SAMD5: variants seen among roughly 807,000 people sequenced by gnomAD.
The protein encoded by SAMD5 is sterile alpha motif domain-containing protein 5.
SAMD5 carries 13 observed loss-of-function variants against 11.3 expected under a neutral mutation model. The observed-to-expected ratio is 1.15, with a 90% CI of 0.75 to 1.83. The LOEUF (loss-of-function observed/expected upper bound fraction) is 1.83. Ranked by LOEUF, SAMD5 falls within the 40% of genes most tolerant of loss-of-function variation. SAMD5 has a pLI of 0.00. For missense variants in SAMD5, 255 were observed against 239.1 expected, an observed-to-expected ratio of 1.07 and a Z score of -0.44; for synonymous variants, 129 against 111.3, an observed-to-expected ratio of 1.16 and a Z score of -1.00.
chr6:147,606,958 T>C (rs1789710582), intron 1 of SAMD5, among the ~76,000 whole-genome samples: 1 of 77,972 alleles, frequency 1.3e-5, no homozygotes, highest in Admixed American at 1.4e-4. Context: ...TGTAGCAGCT[T>C]TATCCAAAAA....
At chr6:147,880,320 C>G in the SAMD5 span, among the ~76,000 whole-genome samples, 1 of 152,052 alleles carries the variant, frequency 6.6e-6, no homozygotes, top group Non-Finnish European at 1.5e-5. Flanking sequence ...GTTGCTCTTT[C>G]TCCCTCTCCT....
chr6:147,570,907 G>A (rs1226257932), downstream of SAMD5, among the ~76,000 whole-genome samples: 6 of 152,124 alleles, frequency 3.9e-5, no homozygotes, highest in South Asian at 2.1e-4. Context: ...GACGATTGGC[G>A]TTCTTCCACA....
the SAMD5 span, among the ~76,000 whole-genome samples, chr6:147,811,463 G>A: frequency 6.6e-6 from 1 of 152,162 alleles, no homozygotes; most frequent in African/African-American, 2.4e-5. Context: ...AGGCAATGTG[G>A]ACCCATGGAT....
the SAMD5 span, among the ~76,000 whole-genome samples, chr6:147,808,708 AT>A: frequency 6.6e-6 from 1 of 152,234 alleles, no homozygotes; most frequent in Non-Finnish European, 1.5e-5. Flanking sequence ...AAAAAAATGA[AT>A]TGAATGTATA....
At chr6:147,693,093 A>G (rs1241628486) in intron 1 of SAMD5, among the ~76,000 whole-genome samples, 1 of 152,190 alleles carries the variant, frequency 6.6e-6, no homozygotes, top group African/African-American at 2.4e-5. Flanking sequence ...CTCTCCGACA[A>G]TAGCTACACA....
chr6:147,635,082 G>C (rs1214480602), intron 1 of SAMD5, among the ~76,000 whole-genome samples: 1 of 152,160 alleles, frequency 6.6e-6, no homozygotes, highest in Non-Finnish European at 1.5e-5. Flanking sequence ...ACAAAATTTT[G>C]GCAGAGATAA....
chr6:147,660,124 A>C (rs1344189134), intron 1 of SAMD5, among the ~76,000 whole-genome samples: 1 of 152,142 alleles, frequency 6.6e-6, no homozygotes, highest in Non-Finnish European at 1.5e-5. Context: ...CTTGAATTAG[A>C]AGTCGGCCTG....
At chr6:147,681,450 A>G (rs78510340) in intron 1 of SAMD5, among the ~76,000 whole-genome samples, 2,100 of 152,050 alleles carry the variant, frequency 0.014, 51 homozygotes, top group African/African-American at 0.048. Flanking sequence ...TTTCTTGTTT[A>G]TATCAAATAT....
At chr6:147,862,204 G>A in the SAMD5 span, among the ~76,000 whole-genome samples, 1 of 151,954 alleles carries the variant, frequency 6.6e-6, no homozygotes, top group Non-Finnish European at 1.5e-5. Context: ...AAGTGCCCTG[G>A]AAATCAGGTT....
chr6:147,611,346 C>A (rs1007953460), intron 1 of SAMD5, among the ~76,000 whole-genome samples: 1 of 151,996 alleles, frequency 6.6e-6, no homozygotes, highest in African/African-American at 2.4e-5. Flanking sequence ...CTGAGGCAAG[C>A]GGATTACCTG....
the SAMD5 span, among the ~76,000 whole-genome samples, chr6:147,930,495 G>A: frequency 6.6e-6 from 1 of 152,100 alleles, no homozygotes; most frequent in African/African-American, 2.4e-5. Flanking sequence ...TATAAAGAAA[G>A]GGAATTTATT....
At chr6:147,732,385 T>C (rs1791728836) in intron 1 of SAMD5, among the ~76,000 whole-genome samples, 1 of 152,242 alleles carries the variant, frequency 6.6e-6, no homozygotes, top group African/African-American at 2.4e-5. Flanking sequence ...CTAATAATTC[T>C]CTAATTTAAT....
the SAMD5 span, among the ~76,000 whole-genome samples, chr6:147,745,208 G>A: frequency 6.6e-6 from 1 of 152,140 alleles, no homozygotes; most frequent in African/African-American, 2.4e-5. Flanking sequence ...GTGTGTGTGT[G>A]AGTGTGACTA....
the SAMD5 span, among the ~76,000 whole-genome samples, chr6:147,877,623 A>T: frequency 6.6e-6 from 1 of 152,044 alleles, no homozygotes; most frequent in Non-Finnish European, 1.5e-5. Flanking sequence ...TTAATATTTA[A>T]ATCAGTAGAC....
At chr6:147,891,931 G>A in the SAMD5 span, among the ~76,000 whole-genome samples, 1 of 152,174 alleles carries the variant, frequency 6.6e-6, no homozygotes, top group South Asian at 2.1e-4. Flanking sequence ...GCAGATTCTG[G>A]GTTTCTGTGG....
chr6:147,661,929 C>T (rs571136079), intron 1 of SAMD5, among the ~76,000 whole-genome samples: 20 of 152,314 alleles, frequency 1.3e-4, no homozygotes, highest in East Asian at 3.9e-4. Context: ...ACGCCCGGCG[C>T]GACTAAAACC....
At chr6:147,614,675 G>A (rs186171658) in intron 1 of SAMD5, among the ~76,000 whole-genome samples, 18 of 151,952 alleles carry the variant, frequency 1.2e-4, no homozygotes, top group Non-Finnish European at 5.9e-5. Flanking sequence ...TTTGGGGTGG[G>A]GAAGGGTTGG....
At chr6:147,661,686 G>A (rs925908153) in intron 1 of SAMD5, among the ~76,000 whole-genome samples, 9 of 152,290 alleles carry the variant, frequency 5.9e-5, no homozygotes, top group African/African-American at 1.9e-4. Flanking sequence ...CTGGAGTGCA[G>A]TGGTGCTGTC....
At chr6:147,696,663 G>T (rs1386708931) in intron 1 of SAMD5, among the ~76,000 whole-genome samples, 1 of 152,184 alleles carries the variant, frequency 6.6e-6, no homozygotes, top group East Asian at 1.9e-4. Flanking sequence ...GTTTTCCTAA[G>T]CTGTGTTGGA....
Sources: gnomAD v4.1 joint callset for allele counts (sites outside exome capture counted in the v4.1 genomes callset) on GRCh38, gnomAD v4.1.1 for gene constraint, MANE v1.5 for transcripts, NCBI Gene and HGNC (gene_info 2026-07-23, HGNC 2026-07-21) for gene names.